Variants in SPMIP4 observed in about 807,000 individuals in gnomAD.
The protein encoded by SPMIP4 is sperm microtubule inner protein 4.
At chr7:25,138,319 T>C in the SPMIP4 span, among the ~76,000 whole-genome samples, 2 of 152,270 alleles carry the variant, frequency 1.3e-5, no homozygotes, top group Non-Finnish European at 2.9e-5. This position sits in a 1 kb window ranked among gnomAD's most constrained non-coding sequence, Gnocchi z 6.2. Flanking sequence ...GTGATCATCA[T>C]TGTAACAATG....
chr7:25,147,653 G>C, the SPMIP4 span, among the ~76,000 whole-genome samples: 1 of 152,166 alleles, frequency 6.6e-6, no homozygotes, highest in African/African-American at 2.4e-5. Flanking sequence ...ATTTTTAAAA[G>C]GTTAACGTTC....
the SPMIP4 span, among the ~76,000 whole-genome samples, chr7:25,134,263 CAA>C: frequency 5.8e-5 from 7 of 121,098 alleles, no homozygotes; most frequent in African/African-American, 9.2e-5. Context: ...CTGACTTAAA[CAA>C]AAACAAAAAC....
At chr7:25,170,787 CCTT>C in the SPMIP4 span, among the ~76,000 whole-genome samples, 1 of 152,092 alleles carries the variant, frequency 6.6e-6, no homozygotes, top group African/African-American at 2.4e-5. Context: ...TGTTGAAAAT[CCTT>C]CTTCCTCATT....
chr7:25,135,472 C>T, the SPMIP4 span: 1 of 985,768 alleles, frequency 1.0e-6, no homozygotes. Context: ...GGTGTCCATC[C>T]CTCAATTAAC....
At chr7:25,177,039 A>C in the SPMIP4 span, among the ~76,000 whole-genome samples, 4 of 152,264 alleles carry the variant, frequency 2.6e-5, no homozygotes, top group Non-Finnish European at 4.4e-5. Context: ...TATTCTGCAT[A>C]GCTTCAGAGG....
the SPMIP4 span, among the ~76,000 whole-genome samples, chr7:25,178,500 G>A: frequency 6.6e-6 from 1 of 152,156 alleles, no homozygotes; most frequent in African/African-American, 2.4e-5. Context: ...GCAAATTCTG[G>A]GAGTATTTTT....
chr7:25,140,465 T>C, the SPMIP4 span, among the ~76,000 whole-genome samples: 15 of 151,654 alleles, frequency 9.9e-5, no homozygotes, highest in African/African-American at 3.4e-4. Context: ...CCATGCCCGG[T>C]TAATTTTTGT....
chr7:25,136,658 C>T, the SPMIP4 span: 1 of 1,614,146 alleles, frequency 6.2e-7, no homozygotes, highest in Non-Finnish European at 8.5e-7. This position sits in a 1 kb window ranked among gnomAD's most constrained non-coding sequence, Gnocchi z 5.7. Flanking sequence ...TTACACAAAA[C>T]TCTAGGAGTA....
At chr7:25,138,314 C>G in the SPMIP4 span, among the ~76,000 whole-genome samples, 25 of 152,326 alleles carry the variant, frequency 1.6e-4, no homozygotes, top group East Asian at 4.8e-3. This position sits in a 1 kb window ranked among gnomAD's most constrained non-coding sequence, Gnocchi z 6.2. Flanking sequence ...ACCATGTGAT[C>G]ATCATTGTAA....
chr7:25,167,353 T>C, the SPMIP4 span, among the ~76,000 whole-genome samples: 1 of 152,228 alleles, frequency 6.6e-6, no homozygotes, highest in Non-Finnish European at 1.5e-5. Context: ...TGTTTATTCA[T>C]TGTAAAACAA....
At chr7:25,179,362 T>C in the SPMIP4 span, 1 of 1,579,388 alleles carries the variant, frequency 6.3e-7, no homozygotes, top group African/African-American at 1.4e-5. Flanking sequence ...CACATTTGGC[T>C]TGTCGAGTCA....
the SPMIP4 span, among the ~76,000 whole-genome samples, chr7:25,131,745 T>C: frequency 2.6e-5 from 4 of 152,158 alleles, no homozygotes; most frequent in African/African-American, 9.7e-5. This position sits in a 1 kb window ranked among gnomAD's most constrained non-coding sequence, Gnocchi z 4.2. Context: ...ATAGCTCTAT[T>C]AGAAGCCATG....
At chr7:25,168,108 G>A in the SPMIP4 span, among the ~76,000 whole-genome samples, 4 of 152,230 alleles carry the variant, frequency 2.6e-5, no homozygotes, top group African/African-American at 9.6e-5. Flanking sequence ...ACTAAGGACA[G>A]CAAAAACCAT....
At chr7:25,134,022 G>T in the SPMIP4 span, among the ~76,000 whole-genome samples, 1 of 152,100 alleles carries the variant, frequency 6.6e-6, no homozygotes, top group Non-Finnish European at 1.5e-5. Flanking sequence ...AGCACTTTGG[G>T]AGGCCGAGGC....
the SPMIP4 span, chr7:25,179,407 T>C: frequency 7.4e-7 from 1 of 1,352,940 alleles, no homozygotes; most frequent in Non-Finnish European, 1.0e-6. Flanking sequence ...ACTGCTAAAT[T>C]GTTCAACCTG....
the SPMIP4 span, among the ~76,000 whole-genome samples, chr7:25,178,319 C>G: frequency 3.3e-5 from 5 of 152,120 alleles, no homozygotes; most frequent in Non-Finnish European, 4.4e-5. Context: ...TTTGATAGAA[C>G]AACTTATAAG....
At chr7:25,145,504 G>C in the SPMIP4 span, among the ~76,000 whole-genome samples, 2 of 152,206 alleles carry the variant, frequency 1.3e-5, no homozygotes, top group African/African-American at 4.8e-5. Context: ...TGAGAGGATA[G>C]TGAGAGAGGG....
chr7:25,160,286 C>T, the SPMIP4 span, among the ~76,000 whole-genome samples: 312 of 69,004 alleles, frequency 4.5e-3, 1 homozygote, highest in Middle Eastern at 0.069. Flanking sequence ...TCTATGCTGT[C>T]GTGTTTAATA....
At chr7:25,151,358 A>T in the SPMIP4 span, among the ~76,000 whole-genome samples, 8 of 151,902 alleles carry the variant, frequency 5.3e-5, no homozygotes, top group East Asian at 1.5e-3. Flanking sequence ...AGTAGCTAGG[A>T]CTACAGGTAT....
Sources: allele counts gnomAD v4.1 joint callset (sites outside exome capture counted in the v4.1 genomes callset), GRCh38; gene constraint gnomAD v4.1.1; non-coding constraint Gnocchi (gnomAD v3.1); transcripts MANE v1.5; gene names NCBI Gene and HGNC (gene_info 2026-07-23, HGNC 2026-07-21).